The following ZSCAN4 variants were observed in gnomAD, a reference collection of about 807,000 sequenced individuals.
The protein encoded by ZSCAN4 is zinc finger and SCAN domain containing 4.
A neutral mutation model predicts 18.3 loss-of-function variants in ZSCAN4; 18 were observed. That is an observed-to-expected ratio of 0.98 (90% CI 0.68 to 1.46). The LOEUF (loss-of-function observed/expected upper bound fraction) is 1.46. Ranked by LOEUF, ZSCAN4 falls within the 40% of genes most tolerant of loss-of-function variation. The probability of loss-of-function intolerance (pLI) is 0.00; values close to 1 mark genes in which losing one functional copy is unlikely to be tolerated. For missense variants in ZSCAN4, 498 were observed against 511.4 expected (o/e 0.97, Z 0.25); for synonymous variants, 193 against 180.3 (o/e 1.07, Z -0.57).
At chr19:57,657,035 C>T in the ZSCAN4 span, among the ~76,000 whole-genome samples, 4 of 151,866 alleles carry the variant, frequency 2.6e-5, no homozygotes, top group Non-Finnish European at 4.4e-5. Flanking sequence ...CACTTGAGGA[C>T]AGGAGTTCAA....
the ZSCAN4 span, among the ~76,000 whole-genome samples, chr19:57,659,307 C>T: frequency 6.6e-6 from 1 of 152,120 alleles, no homozygotes; most frequent in African/African-American, 2.4e-5. Context: ...AGTCTAAGTT[C>T]CATGTAGGCA....
At chr19:57,671,789 C>T (rs59916406) in intron 2 of ZSCAN4, among the ~76,000 whole-genome samples, 2,384 of 152,310 alleles carry the variant, frequency 0.016, 60 homozygotes, top group Admixed American at 0.06. Context: ...AGGATCACCT[C>T]TGCCTTATTA....
At chr19:57,665,995 G>A (rs186521952), upstream of ZSCAN4, among the ~76,000 whole-genome samples, 5 of 152,294 alleles carry the variant, frequency 3.3e-5, no homozygotes, top group African/African-American at 1.2e-4. Context: ...TTTTTAATTT[G>A]AGAAAGTCAC....
chr19:57,677,393 C>T (rs769117466), intron 3 of ZSCAN4, among the ~76,000 whole-genome samples: 3 of 150,326 alleles, frequency 2.0e-5, no homozygotes, highest in Non-Finnish European at 2.9e-5. Context: ...AAATAAGTGT[C>T]CTTTTCACAG....
At chr19:57,668,337 G>C (rs1237607933), upstream of ZSCAN4, among the ~76,000 whole-genome samples, 1 of 152,088 alleles carries the variant, frequency 6.6e-6, no homozygotes, top group Non-Finnish European at 1.5e-5. Context: ...GATGGGAGCA[G>C]GGATACTTCT....
At chr19:57,655,257 C>T in the ZSCAN4 span, among the ~76,000 whole-genome samples, 9 of 152,184 alleles carry the variant, frequency 5.9e-5, no homozygotes, top group African/African-American at 1.9e-4. Flanking sequence ...CACCACATCA[C>T]GTGGGCCCAT....
At chr19:57,672,871 G>A (rs1984063267) in intron 2 of ZSCAN4, among the ~76,000 whole-genome samples, 1 of 151,886 alleles carries the variant, frequency 6.6e-6, no homozygotes, top group South Asian at 2.1e-4. Context: ...CAAAGCACTG[G>A]GATTACAGGG....
At chr19:57,662,814 C>A in the ZSCAN4 span, among the ~76,000 whole-genome samples, 247 of 152,330 alleles carry the variant, frequency 1.6e-3, no homozygotes, top group Non-Finnish European at 2.8e-4. Context: ...CCTGCCTTGG[C>A]CTCCCAAAGT....
chr19:57,652,211 G>A, the ZSCAN4 span, among the ~76,000 whole-genome samples: 14 of 152,004 alleles, frequency 9.2e-5, no homozygotes, highest in African/African-American at 3.4e-4. Context: ...CAAAACCCTG[G>A]GCTTGGTGCA....
chr19:57,675,141 CTTTTTTTTTTT>C (rs1171741360), intron 2 of ZSCAN4, among the ~76,000 whole-genome samples: 2 of 78,074 alleles, frequency 2.6e-5, no homozygotes, highest in East Asian at 3.7e-4. Context: ...GTGCGTGTGG[CTTTTTTTTTTT>C]TTTTTTTTTT....
chr19:57,675,418 G>C (rs1600008523), intron 2 of ZSCAN4, among the ~76,000 whole-genome samples: 1 of 152,024 alleles, frequency 6.6e-6, no homozygotes, highest in Admixed American at 6.6e-5. Flanking sequence ...AAAGTGTTGG[G>C]ATTACAGGCA....
At chr19:57,656,671 C>T in the ZSCAN4 span, among the ~76,000 whole-genome samples, 1 of 152,250 alleles carries the variant, frequency 6.6e-6, no homozygotes, top group Non-Finnish European at 1.5e-5. Context: ...GGGCCAACTA[C>T]AGCCTGGGAA....
chr19:57,666,013 G>A (rs1350606354), upstream of ZSCAN4, among the ~76,000 whole-genome samples: 1 of 152,186 alleles, frequency 6.6e-6, no homozygotes, highest in African/African-American at 2.4e-5. Context: ...CACTTTGGCA[G>A]TTCTTTGCAC....
the ZSCAN4 span, among the ~76,000 whole-genome samples, chr19:57,656,709 AATG>A: frequency 6.6e-6 from 1 of 152,262 alleles, no homozygotes; most frequent in Non-Finnish European, 1.5e-5. Flanking sequence ...CTATCTAATA[AATG>A]ATGAGTATTC....
the ZSCAN4 span, among the ~76,000 whole-genome samples, chr19:57,663,795 G>C: frequency 1.4e-5 from 2 of 147,846 alleles, no homozygotes; most frequent in African/African-American, 5.0e-5. Flanking sequence ...ATTTTGATTT[G>C]TTTAAATTTT....
chr19:57,668,935 C>T (rs1039837199), exon 1 of ZSCAN4: 5 of 152,082 alleles, frequency 3.3e-5, no homozygotes, highest in African/African-American at 1.2e-4. Flanking sequence ...CCTCTGCCAC[C>T]CTTGTAATTC....
Position 57,678,096 on chromosome 19 carries a change from T to C in ZSCAN4, c.562+17T>C. 1 of 1,583,846 alleles carries C rather than the reference T, an allele frequency of 6.3e-7. No homozygotes were observed. Among genetic ancestry groups the C allele is most frequent in the Non-Finnish European group, 8.6e-7 (1 of 1,165,566 alleles). ...CAGGACAAGGTAAGTCAGGTGAATCTGCACAACTGAGGAGTGTTCTATGTG... is the reference window on the plus strand; with the variant it reads ...CAGGACAAGGTAAGTCAGGTGAATCCGCACAACTGAGGAGTGTTCTATGTG... On this transcript the variant is annotated intron_variant, in intron 4 of 4. Coordinates refer to ENST00000318203, the Ensembl canonical transcript of ZSCAN4.
chr19:57,678,727 AG>A lies in ZSCAN4; in HGVS notation c.1125del (p.Lys375AsnfsTer41). 6.2e-7 allele frequency: 1 copy of A among 1,614,182 alleles called. No individual in the cohort carries two copies. Among genetic ancestry groups the A allele is most frequent in the Non-Finnish European group, 8.5e-7 (1 of 1,180,022 alleles). On this transcript the variant is annotated frameshift_variant, in exon 5 of 5. Coordinates refer to ENST00000318203, the Ensembl canonical transcript of ZSCAN4. LOFTEE classifies it low-confidence loss of function (END_TRUNC). ...CCTTTCACATGCAGCATGTGTAAAA[AG>A]TCCTTCAGCCACAAAACCAACCTGC...
chr19:57,673,670 C>T (rs1229331301), intron 2 of ZSCAN4, among the ~76,000 whole-genome samples: 1 of 152,050 alleles, frequency 6.6e-6, no homozygotes, highest in Non-Finnish European at 1.5e-5. Context: ...CAACATCTTC[C>T]CATATGCCCC....
Sources: allele counts gnomAD v4.1 joint callset (sites outside exome capture counted in the v4.1 genomes callset), GRCh38; gene constraint gnomAD v4.1.1; transcripts MANE v1.5; gene names NCBI Gene and HGNC (gene_info 2026-07-23, HGNC 2026-07-21).